The following PIK3C2G variants were observed in gnomAD, a reference collection of about 807,000 sequenced individuals.
PIK3C2G encodes phosphatidylinositol-4-phosphate 3-kinase catalytic subunit type 2 gamma, also known as phosphatidylinositol 3-kinase C2 domain-containing subunit gamma.
In PIK3C2G, 168 loss-of-function variants were observed where a neutral mutation model predicts 181.1. The ratio of observed to expected loss-of-function variants is 0.93; its 90% CI spans 0.82 to 1.05. PIK3C2G has a LOEUF of 1.05. Among genes scored for constraint, PIK3C2G ranks in the 50% least tolerant of loss-of-function variants. The pLI is 0.00. For synonymous variants in PIK3C2G, 573 were observed against 592.2 expected (o/e 0.97, Z 0.47); for missense variants, 1,869 against 1,732.8 (o/e 1.08, Z -1.40).
the PIK3C2G span, among the ~76,000 whole-genome samples, chr12:18,689,755 C>T: frequency 6.6e-6 from 1 of 152,096 alleles, no homozygotes; most frequent in African/African-American, 2.4e-5. Flanking sequence ...CTGGCCTAGA[C>T]CAAAACTCTC....
At chr12:18,604,611 T>G (rs1947913952) in intron 30 of PIK3C2G, among the ~76,000 whole-genome samples, 1 of 152,184 alleles carries the variant, frequency 6.6e-6, no homozygotes, top group Non-Finnish European at 1.5e-5. Context: ...CAACAGTGCC[T>G]GGAACTTTCT....
At chr12:18,564,876 A>T (rs879577704) in intron 28 of PIK3C2G, among the ~76,000 whole-genome samples, 1 of 152,214 alleles carries the variant, frequency 6.6e-6, no homozygotes, top group African/African-American at 2.4e-5. Flanking sequence ...GGTTTCAAAA[A>T]TGTCTCTGTT....
intron 11 of PIK3C2G, among the ~76,000 whole-genome samples, chr12:18,351,155 T>C (rs1940180824): frequency 1.3e-5 from 2 of 152,058 alleles, no homozygotes; most frequent in African/African-American, 2.4e-5. Flanking sequence ...AAAATAAATA[T>C]ATTCATAAAT....
intron 16 of PIK3C2G, among the ~76,000 whole-genome samples, chr12:18,415,865 C>T (rs1254396396): frequency 6.6e-6 from 1 of 152,132 alleles, no homozygotes; most frequent in Non-Finnish European, 1.5e-5. Flanking sequence ...GAGCAAGGCC[C>T]TAACTCTCTT....
At chr12:18,446,240 A>C (rs1947018290) in intron 18 of PIK3C2G, among the ~76,000 whole-genome samples, 2 of 152,204 alleles carry the variant, frequency 1.3e-5, no homozygotes, top group African/African-American at 4.8e-5. Context: ...TTGCCTCTTA[A>C]GACCCACTCC....
At chr12:18,401,181 A>G (rs1313179061) in intron 16 of PIK3C2G, among the ~76,000 whole-genome samples, 1 of 152,118 alleles carries the variant, frequency 6.6e-6, no homozygotes, top group Non-Finnish European at 1.5e-5. Context: ...TATTGAACCA[A>G]TCACTTTCTA....
the PIK3C2G span, among the ~76,000 whole-genome samples, chr12:18,720,357 A>C: frequency 6.6e-6 from 1 of 151,754 alleles, no homozygotes; most frequent in South Asian, 2.1e-4. Context: ...AAATATATAC[A>C]CATTTCTGTA....
At chr12:18,301,111 A>G (rs903382850) in intron 5 of PIK3C2G, among the ~76,000 whole-genome samples, 4 of 152,132 alleles carry the variant, frequency 2.6e-5, no homozygotes, top group Non-Finnish European at 5.9e-5. Flanking sequence ...ATGTGACTCA[A>G]TGCTTTTCCC....
At chr12:18,295,343 A>G (rs990581429) in intron 5 of PIK3C2G, among the ~76,000 whole-genome samples, 9 of 152,006 alleles carry the variant, frequency 5.9e-5, no homozygotes, top group African/African-American at 1.9e-4. Flanking sequence ...ACTCATTTAA[A>G]CTCATCTTTT....
In PIK3C2G at chr12:18,290,847, T is replaced by G; in HGVS notation, c.762-8T>G. Reference sequence around the variant, plus strand: ...TCCTAAGTATTTTTCTTAACATATGTTTTTCAGAATCAGAGAAAGATATCA... The same window carrying G: ...TCCTAAGTATTTTTCTTAACATATGGTTTTCAGAATCAGAGAAAGATATCA... On this transcript the variant is annotated splice_polypyrimidine_tract_variant and splice_region_variant and intron_variant, in intron 3 of 32. Coordinates refer to ENST00000538779, the MANE Select transcript of PIK3C2G (RefSeq NM_001288772.2). The G allele has an allele frequency of 6.3e-7, 1 of 1,577,452 alleles. No individual in the cohort carries two copies.
Position 18,423,995 on chromosome 12 carries a change from C to T in PIK3C2G, c.2460C>T (p.Leu820=), listed in dbSNP as rs755408378. ...NLESPLVQLL[L]HRSLQSIQVA... The stretch of plus-strand genomic sequence containing the variant: ...AGAGTCCTTTAGTGCAACTTCTACT[C>T]CACCGCTCCTTGCAGAGCATCCAGG... Residue 820 remains leucine (L), a synonymous_variant, in exon 18 of 33, where the codon CTC becomes CTT. Coordinates refer to ENST00000538779, the MANE Select transcript of PIK3C2G (RefSeq NM_001288772.2). 1.9e-6 allele frequency: 3 copies of T among 1,611,794 alleles called. No homozygotes were observed. The South Asian group carries it at 3.3e-5, about 18-fold the overall frequency.
At chr12:18,456,597 C>G (rs566470605) in intron 18 of PIK3C2G, among the ~76,000 whole-genome samples, 2 of 152,284 alleles carry the variant, frequency 1.3e-5, no homozygotes, top group South Asian at 4.1e-4. Flanking sequence ...CCCTACCTGG[C>G]CAGCACTATG....
intron 18 of PIK3C2G, among the ~76,000 whole-genome samples, chr12:18,457,925 T>C (rs1947716335): frequency 6.6e-6 from 1 of 152,192 alleles, no homozygotes; most frequent in South Asian, 2.1e-4. Flanking sequence ...TAGTTTTTTT[T>C]AAGTCAAGAT....
upstream of PIK3C2G, among the ~76,000 whole-genome samples, chr12:18,258,799 TATAA>T (rs1948174502): frequency 6.6e-6 from 1 of 152,146 alleles, no homozygotes; most frequent in East Asian, 1.9e-4. Context: ...GAAAAATCGA[TATAA>T]ATATTTTGTT....
chr12:18,407,191 A>G (rs1415287649), intron 16 of PIK3C2G, among the ~76,000 whole-genome samples: 4 of 152,078 alleles, frequency 2.6e-5, no homozygotes, highest in African/African-American at 9.7e-5. Context: ...CAGCTTTCAG[A>G]TTCTTTCATT....
chr12:18,651,632 A>G (rs1950524437), downstream of PIK3C2G, among the ~76,000 whole-genome samples: 1 of 152,058 alleles, frequency 6.6e-6, no homozygotes, highest in South Asian at 2.1e-4. Context: ...ATTCTAGACC[A>G]CAGTCTAGGT....
intron 28 of PIK3C2G, among the ~76,000 whole-genome samples, chr12:18,564,962 C>T (rs1270720008): frequency 6.6e-6 from 1 of 152,120 alleles, no homozygotes; most frequent in Non-Finnish European, 1.5e-5. Flanking sequence ...TCTCAATTGG[C>T]CTCTTTTCAG....
chr12:18,652,410 G>A (rs972836245), downstream of PIK3C2G, among the ~76,000 whole-genome samples: 7 of 152,094 alleles, frequency 4.6e-5, no homozygotes, highest in Non-Finnish European at 1.0e-4. Flanking sequence ...AAACCACTGC[G>A]AACTGCAAAA....
chr12:18,264,651 T>C (rs1030119717), intron 1 of PIK3C2G, among the ~76,000 whole-genome samples: 35 of 151,732 alleles, frequency 2.3e-4, no homozygotes, highest in Admixed American at 1.3e-3. Context: ...TGAATAGGAG[T>C]AATTTTTTTT....
Sources: gnomAD v4.1 joint callset for allele counts (sites outside exome capture counted in the v4.1 genomes callset) on GRCh38, gnomAD v4.1.1 for gene constraint, MANE v1.5 for transcripts, NCBI Gene and HGNC (gene_info 2026-07-23, HGNC 2026-07-21) for gene names.